The following NSMF variants were observed in gnomAD, a reference collection of about 807,000 sequenced individuals.
The protein encoded by NSMF is nasal embryonic LHRH factor.
In NSMF, 31 loss-of-function variants were observed where a neutral mutation model predicts 71.0. The observed-to-expected ratio is 0.44, with a 90% CI of 0.33 to 0.59. The LOEUF is 0.59. Among genes scored for constraint, NSMF ranks in the 20% least tolerant of loss-of-function variants. NSMF has a pLI of 0.04. For synonymous variants in NSMF, 345 were observed against 287.1 expected (o/e 1.20, Z -2.04); for missense variants, 673 against 740.5 (o/e 0.91, Z 1.06).
rs572001786 is a variant in NSMF at position 137,449,314 on chromosome 9, G to A, written c.*80C>T. ...GGCGAGACCGGAGCCACACAGTCCC[G>A]GGGAGCACGAGGCGGCCCAGCCCCA... On this transcript the variant is annotated 3_prime_UTR_variant, in exon 16 of 16. Coordinates refer to ENST00000371475, the MANE Select transcript of NSMF (RefSeq NM_001130969.3). The A allele has an allele frequency of 1.1e-4, 135 of 1,211,474 alleles. No homozygotes were observed. Among genetic ancestry groups the A allele is most frequent in the Middle Eastern group, 2.2e-4 (1 of 4,498 alleles). 75.0% of individuals were successfully genotyped at this position (1,211,474 alleles called of 1,614,324 possible). A position where few individuals can be genotyped will look rare whatever the true frequency, so the allele number is the denominator to read the frequency against.
chr9:137,453,885 G>A lies in NSMF; in HGVS notation c.833-65C>T. 7.1e-7 allele frequency: 1 copy of A among 1,400,338 alleles called. No homozygotes were observed. Among genetic ancestry groups the A allele is most frequent in the Non-Finnish European group, 9.8e-7 (1 of 1,024,490 alleles). 86.7% of individuals were successfully genotyped at this position (1,400,338 alleles called of 1,614,324 possible). A position where few individuals can be genotyped will look rare whatever the true frequency, so the allele number is the denominator to read the frequency against. On this transcript the variant is annotated intron_variant, in intron 7 of 15. Transcript: ENST00000371475. The surrounding 1 kb of genome is among the most constrained non-coding windows in gnomAD (Gnocchi z 4.5). Reference sequence around the variant, plus strand: ...GGGGCCTCGGGAGTCTCAGACCCCAGGCGAGGGGACCACAGGGGCCCTGGG... The same window carrying A: ...GGGGCCTCGGGAGTCTCAGACCCCAAGCGAGGGGACCACAGGGGCCCTGGG...
At position 137,459,051 on chromosome 9, in the gene NSMF, A is replaced by G; in HGVS notation, c.52T>C (p.Ser18Pro). ...ACTCACCGCACTTTGGCCGCCACCG[A>G]GGACATGGCCTCGCTCCTCAGCGCC... ...RRALRSEAMS[S>P]VAAKVRAARA... The change falls in exon 1 of 16, where the codon TCG becomes CCG. Residue 18 changes from serine (S) to proline (P), a missense_variant. By Grantham distance (74) the Ser-to-Pro change is moderately conservative (BLOSUM62 -1). This residue lies in a region of NSMF where 471 missense variants were observed against 459.6 expected (regional missense o/e 1.02). Transcript: ENST00000371475. 1 of 1,282,004 alleles carries G rather than the reference A, an allele frequency of 7.8e-7. No individual in the cohort carries two copies. 79.4% of individuals were successfully genotyped at this position (1,282,004 alleles called of 1,614,324 possible). A position where few individuals can be genotyped will look rare whatever the true frequency, so the allele number is the denominator to read the frequency against.
Position 137,449,316 on chromosome 9 carries a change from G to A in NSMF, c.*78C>T, listed in dbSNP as rs964094158. On this transcript the variant is annotated 3_prime_UTR_variant, in exon 16 of 16. Coordinates refer to ENST00000371475, the MANE Select transcript of NSMF (RefSeq NM_001130969.3). ...CGAGACCGGAGCCACACAGTCCCGG[G>A]GAGCACGAGGCGGCCCAGCCCCAGG... is the stretch of plus-strand genomic sequence containing the variant. 8.1e-7 allele frequency: 1 copy of A among 1,230,612 alleles called. No individual in the cohort carries two copies. Among genetic ancestry groups the A allele is most frequent in the Non-Finnish European group, 1.2e-6 (1 of 846,740 alleles). The allele number at this position is 1,230,612 out of a possible 1,614,324, so 76.2% of individuals were successfully genotyped here.
Position 137,453,794 on chromosome 9 carries a change from A to G in NSMF, c.859T>C (p.Phe287Leu). 2 of 1,597,932 alleles carry G rather than the reference A, an allele frequency of 1.3e-6. No individual in the cohort carries two copies. The highest frequency in any genetic ancestry group is 8.5e-7 in the Non-Finnish European group (1 of 1,177,792). Residue 287 changes from phenylalanine to leucine, a missense_variant, in exon 8 of 16, where the codon TTC becomes CTC. Physicochemically the swap from Phe to Leu is conservative, Grantham distance 22. Transcript: ENST00000371475. The surrounding 1 kb of genome is among the most constrained non-coding windows in gnomAD (Gnocchi z 4.5). ...QTFAERRERS[F>L]SRSWSDPTPM... ...GTGGGGTCGCTCCAGGACCGGCTGA[A>G]GCTCCGCTCGCGCCGCTCAGCGAAC... is the stretch of plus-strand genomic sequence containing the variant.
Position 137,459,322 on chromosome 9 carries a change from C to T in NSMF, c.-220G>A, listed in dbSNP as rs1831059065. Reference sequence around the variant, plus strand: ...GCGCGTGCCGCCGCTCCCGGGAGAGCGCTGCCCGAACCGAGGGCCGGCCCC... The same window carrying T: ...GCGCGTGCCGCCGCTCCCGGGAGAGTGCTGCCCGAACCGAGGGCCGGCCCC... On this transcript the variant is annotated 5_prime_UTR_variant, in exon 1 of 16. Transcript: ENST00000371475. The T allele has an allele frequency of 5.7e-6, 1 of 175,072 alleles. No individual in the cohort carries two copies. The highest frequency in any genetic ancestry group is 1.1e-5 in the Non-Finnish European group (1 of 87,906). 10.8% of individuals were successfully genotyped at this position (175,072 alleles called of 1,614,324 possible). A position where few individuals can be genotyped will look rare whatever the true frequency, so the allele number is the denominator to read the frequency against.
chr9:137,455,365 G>A (rs368890061), intron 5 of NSMF, 58 bp from the exon 6 acceptor site: 30 of 1,576,794 alleles, frequency 1.9e-5, no homozygotes, highest in Middle Eastern at 1.7e-4. Context: ...GGACACAGAC[G>A]TCGGGACAGT....
At chr9:137,457,989 T>C in intron 2 of NSMF, 88 bp from the exon 3 acceptor site, 3 of 1,523,078 alleles carry the variant, frequency 2.0e-6, no homozygotes, top group Non-Finnish European at 2.6e-6. Context: ...GAACACCCAG[T>C]GGGCACCTGG....
In NSMF at chr9:137,453,198, C is replaced by T; in HGVS notation, c.923-18G>A. The T allele has an allele frequency of 1.9e-6, 3 of 1,612,154 alleles. No homozygotes were observed. The highest frequency in any genetic ancestry group is 1.7e-6 in the Non-Finnish European group (2 of 1,179,800). On this transcript the variant is annotated intron_variant, in intron 8 of 15. Coordinates refer to ENST00000371475, the MANE Select transcript of NSMF (RefSeq NM_001130969.3). The surrounding 1 kb of genome is among the most constrained non-coding windows in gnomAD (Gnocchi z 4.5). Reference sequence around the variant, plus strand: ...GTCACTGCCTGGGAAGCAAGAGGGTCACCAGGACAGCAGGCCCGGCAGCAC... The same window carrying T: ...GTCACTGCCTGGGAAGCAAGAGGGTTACCAGGACAGCAGGCCCGGCAGCAC...
intron 13 of NSMF, 62 bp from the exon 14 acceptor site, chr9:137,450,087 C>T (rs1290426048): frequency 1.3e-6 from 2 of 1,588,210 alleles, no homozygotes; most frequent in South Asian, 1.1e-5. Flanking sequence ...ACAGAGCGGA[C>T]CGTGGAGGAG....
chr9:137,456,252 A>G, intron 4 of NSMF, 159 bp downstream of exon 4: 1 of 732,826 alleles, frequency 1.4e-6, no homozygotes, highest in South Asian at 1.4e-5. Flanking sequence ...AAGAGCAGTC[A>G]GCCCTGGCCT....
chr9:137,459,066 TC>T lies in NSMF; in HGVS notation c.36del (p.Ser13AlafsTer112). The T allele has an allele frequency of 8.1e-7, 1 of 1,240,204 alleles. No individual in the cohort carries two copies. 76.8% of individuals were successfully genotyped at this position (1,240,204 alleles called of 1,614,324 possible). A position where few individuals can be genotyped will look rare whatever the true frequency, so the allele number is the denominator to read the frequency against. On this transcript the variant is annotated frameshift_variant, in exon 1 of 16. Transcript: ENST00000371475. LOFTEE classifies it high-confidence loss of function. ...GCCGCCACCGAGGACATGGCCTCGCTCCTCAGCGCCCTCCTCCTGGAGGCGG... is the reference window on the plus strand; with the variant it reads ...GCCGCCACCGAGGACATGGCCTCGCTCTCAGCGCCCTCCTCCTGGAGGCGG... The part of the protein sequence containing the change: ...GAAASRRRAL[R>X]SEAMSSVAAK...
At chr9:137,456,254 C>T in intron 4 of NSMF, 157 bp downstream of exon 4, 1 of 742,890 alleles carries the variant, frequency 1.3e-6, no homozygotes, top group South Asian at 1.4e-5. Flanking sequence ...GAGCAGTCAG[C>T]CCTGGCCTCC....
chr9:137,448,209 A>C lies in NSMF; in HGVS notation c.*1185T>G, dbSNP rs1839696734. The C allele has an allele frequency of 6.6e-6, 1 of 152,664 alleles. No individual in the cohort carries two copies. Among genetic ancestry groups the C allele is most frequent in the Non-Finnish European group, 1.5e-5 (1 of 68,216 alleles). The allele number at this position is 152,664 out of a possible 1,614,324, so 9.5% of individuals were successfully genotyped here. On this transcript the variant is annotated 3_prime_UTR_variant, in exon 16 of 16. Transcript: ENST00000371475. This position sits in a 1 kb window ranked among gnomAD's most constrained non-coding sequence, Gnocchi z 5.3. Reference sequence around the variant, plus strand: ...GGCCCCTGGAAAGCACTGAGAGGACAGACCCACGCGGCGGCCGCGGTGGAG... The same window carrying C: ...GGCCCCTGGAAAGCACTGAGAGGACCGACCCACGCGGCGGCCGCGGTGGAG...
chr9:137,458,396 A>G (rs562232913), intron 2 of NSMF, 92 bp downstream of exon 2: 445 of 1,166,050 alleles, frequency 3.8e-4, no homozygotes, highest in Non-Finnish European at 5.3e-4. Context: ...CGCGCAACCA[A>G]TGCCCCTCAC....
Position 137,459,053 on chromosome 9 carries a change from G to A in NSMF, c.50C>T (p.Ser17Phe). The A allele has an allele frequency of 2.3e-6, 3 of 1,286,448 alleles. No individual in the cohort carries two copies. The highest frequency in any genetic ancestry group is 2.4e-5 in the South Asian group (1 of 41,756). 79.7% of individuals were successfully genotyped at this position (1,286,448 alleles called of 1,614,324 possible). A position where few individuals can be genotyped will look rare whatever the true frequency, so the allele number is the denominator to read the frequency against. The change falls in exon 1 of 16, where the codon TCC becomes TTC. Residue 17 changes from serine (S) to phenylalanine (F), a missense_variant. Physicochemically the swap from Ser to Phe is radical, Grantham distance 155 (BLOSUM62 -2). Transcript: ENST00000371475. ...RRRALRSEAM[S>F]SVAAKVRAAR... ...TCACCGCACTTTGGCCGCCACCGAGGACATGGCCTCGCTCCTCAGCGCCCT... is the reference window on the plus strand; with the variant it reads ...TCACCGCACTTTGGCCGCCACCGAGAACATGGCCTCGCTCCTCAGCGCCCT...
At position 137,455,412 on chromosome 9, in the gene NSMF, C is replaced by T. The variant is rs549010450; in HGVS notation, c.711-105G>A. ...AGGGCCCAGCAGGGCGTCTGGGGCA[C>T]GGGGCCCGGCAGAGGAGTCCCAGCC... On this transcript the variant is annotated intron_variant, in intron 5 of 15. Coordinates refer to ENST00000371475, the MANE Select transcript of NSMF (RefSeq NM_001130969.3). 82 of 1,338,770 alleles carry T rather than the reference C, an allele frequency of 6.1e-5. No homozygotes were observed. The African/African-American group carries it at 7.9e-4, about 13-fold the overall frequency. The allele number at this position is 1,338,770 out of a possible 1,614,324, so 82.9% of individuals were successfully genotyped here.
In NSMF at chr9:137,454,381, G is replaced by A. The variant is rs761883308; in HGVS notation, c.832+10C>T. On this transcript the variant is annotated intron_variant, in intron 7 of 15. Transcript: ENST00000371475. ...CGCCGCCCCCCCACCCCCGCCGCACGGGGTCTTACTCTGGGCCTTCACCCT... is the reference window on the plus strand; with the variant it reads ...CGCCGCCCCCCCACCCCCGCCGCACAGGGTCTTACTCTGGGCCTTCACCCT... The A allele has an allele frequency of 4.6e-5, 72 of 1,549,446 alleles. No individual in the cohort carries two copies. The highest frequency in any genetic ancestry group is 3.6e-5 in the South Asian group (3 of 84,052).
In NSMF at chr9:137,449,331, C is replaced by T; in HGVS notation, c.*63G>A. 7.0e-7 allele frequency: 1 copy of T among 1,433,304 alleles called. No individual in the cohort carries two copies. The highest frequency in any genetic ancestry group is 9.8e-7 in the Non-Finnish European group (1 of 1,023,416). 88.8% of individuals were successfully genotyped at this position (1,433,304 alleles called of 1,614,324 possible). ...ACAGTCCCGGGGAGCACGAGGCGGC[C>T]CAGCCCCAGGTCCCGGTGCAGAGGG... On this transcript the variant is annotated 3_prime_UTR_variant, in exon 16 of 16. Coordinates refer to ENST00000371475, the MANE Select transcript of NSMF (RefSeq NM_001130969.3).
At chr9:137,458,858 G>A (rs904318393) in intron 1 of NSMF, among the ~76,000 whole-genome samples, 174 bp downstream of exon 1, 2 of 152,284 alleles carry the variant, frequency 1.3e-5, no homozygotes, top group Admixed American at 6.5e-5. Context: ...CGAGGGGAGG[G>A]GAGGGAAGAG....
Sources: allele counts gnomAD v4.1 joint callset (sites outside exome capture counted in the v4.1 genomes callset), GRCh38; gene constraint gnomAD v4.1.1; regional missense constraint gnomAD v4.1.1; non-coding constraint Gnocchi (gnomAD v3.1); transcripts MANE v1.5; gene names NCBI Gene and HGNC (gene_info 2026-07-23, HGNC 2026-07-21).